The following OPCML variants were observed in gnomAD, a reference collection of about 807,000 sequenced individuals.
The protein encoded by OPCML is opioid binding protein/cell adhesion molecule like.
In OPCML, 13 loss-of-function variants were observed where a neutral mutation model predicts 37.8. That is an observed-to-expected ratio of 0.34 (90% CI 0.22 to 0.55). The LOEUF (loss-of-function observed/expected upper bound fraction) is 0.55. Ranked by LOEUF, OPCML falls within the 20% of genes least tolerant of loss-of-function variation. The pLI is 0.91. For synonymous variants in OPCML, 176 were observed against 168.8 expected, an observed-to-expected ratio of 1.04 and a Z score of -0.33; for missense variants, 341 against 435.6, an observed-to-expected ratio of 0.78 and a Z score of 1.93.
chr11:132,745,839 G>T (rs1945615663), intron 2 of OPCML, among the ~76,000 whole-genome samples: 1 of 152,144 alleles, frequency 6.6e-6, no homozygotes, highest in Admixed American at 6.5e-5. Context: ...GGATAGAGTG[G>T]CACTCAGAGC....
intron 1 of OPCML, among the ~76,000 whole-genome samples, chr11:133,458,010 G>C (rs374547501): frequency 6.6e-6 from 1 of 151,940 alleles, no homozygotes; most frequent in Admixed American, 6.6e-5. Context: ...GCTGGGCATG[G>C]TGACATGCAC....
intron 1 of OPCML, among the ~76,000 whole-genome samples, chr11:133,269,757 G>C (rs551070620): frequency 6.6e-6 from 1 of 152,228 alleles, no homozygotes; most frequent in African/African-American, 2.4e-5. Context: ...TCTCTAACTA[G>C]GGAAGCATTA....
At chr11:133,092,918 C>A (rs868449219) in intron 1 of OPCML, among the ~76,000 whole-genome samples, 3 of 152,228 alleles carry the variant, frequency 2.0e-5, no homozygotes, top group African/African-American at 2.4e-5. Context: ...CCCTGAGACC[C>A]AGCTGCACCC....
chr11:132,468,353 C>A (rs999517483), intron 4 of OPCML, among the ~76,000 whole-genome samples: 12 of 152,174 alleles, frequency 7.9e-5, no homozygotes, highest in Non-Finnish European at 1.6e-4. Flanking sequence ...AGATACCTAT[C>A]AGTGGAAATT....
chr11:133,218,254 G>A (rs922672402), intron 1 of OPCML, among the ~76,000 whole-genome samples: 1 of 152,086 alleles, frequency 6.6e-6, no homozygotes, highest in Non-Finnish European at 1.5e-5. Flanking sequence ...CAATCTAGGA[G>A]CACTTTTAAT....
At chr11:132,544,652 T>C (rs2096364742) in intron 3 of OPCML, among the ~76,000 whole-genome samples, 1 of 152,138 alleles carries the variant, frequency 6.6e-6, no homozygotes, top group Non-Finnish European at 1.5e-5. Flanking sequence ...TAAAAAGCCA[T>C]TGATATTTAT....
At chr11:132,946,659 A>G (rs1184844127) in intron 1 of OPCML, among the ~76,000 whole-genome samples, 1 of 152,200 alleles carries the variant, frequency 6.6e-6, no homozygotes, top group African/African-American at 2.4e-5. Flanking sequence ...CTTTCCAGAA[A>G]GCAGGTATGA....
At chr11:132,990,063 G>C (rs567672951) in intron 1 of OPCML, among the ~76,000 whole-genome samples, 1 of 152,172 alleles carries the variant, frequency 6.6e-6, no homozygotes, top group Non-Finnish European at 1.5e-5. Context: ...GCCACCCTGC[G>C]TAGGAACATA....
Position 133,212,008 on chromosome 11 carries a change from T to C in OPCML, c.62-268998A>G, listed in dbSNP as rs1358193379. Among the ~76,000 whole-genome samples the C allele has an allele frequency of 6.6e-6, 1 of 152,124 alleles. No homozygotes were observed. The highest frequency in any genetic ancestry group is 1.9e-4 in the East Asian group (1 of 5,172). ...GGCAAGCCTAGTGCATACAGCCTGA[T>C]AGCAGATTGACCGTGCCAGCTGTCA... On this transcript the variant is annotated intron_variant, in intron 1 of 7. Coordinates refer to ENST00000524381, the MANE Select transcript of OPCML (RefSeq NM_001012393.5). The surrounding 1 kb of genome is among the most constrained non-coding windows in gnomAD (Gnocchi z 4.9).
intron 1 of OPCML, among the ~76,000 whole-genome samples, chr11:133,317,188 T>C (rs903960880): frequency 5.9e-5 from 9 of 152,110 alleles, no homozygotes; most frequent in African/African-American, 1.9e-4. Context: ...CAGAGCGAGA[T>C]GCTATGTCAA....
chr11:133,251,577 T>TGGG (rs35847000), intron 1 of OPCML, among the ~76,000 whole-genome samples: 2 of 134,604 alleles, frequency 1.5e-5, no homozygotes, highest in African/African-American at 5.4e-5. Flanking sequence ...GTTCTTTTTT[T>TGGG]GGGGGGGGGA....
chr11:133,244,300 GA>G (rs1592136824), intron 1 of OPCML, among the ~76,000 whole-genome samples: 1 of 152,050 alleles, frequency 6.6e-6, no homozygotes, highest in East Asian at 1.9e-4. Flanking sequence ...GACATACCTC[GA>G]AGGGCTGAGG....
chr11:133,278,034 G>C (rs754713671), intron 1 of OPCML, among the ~76,000 whole-genome samples: 3 of 152,136 alleles, frequency 2.0e-5, no homozygotes, highest in Non-Finnish European at 2.9e-5. Flanking sequence ...GTCTGTAAGT[G>C]AGATTCTATC....
intron 3 of OPCML, among the ~76,000 whole-genome samples, chr11:132,602,920 A>G (rs1219387446): frequency 6.6e-6 from 1 of 152,232 alleles, no homozygotes; most frequent in South Asian, 2.1e-4. Flanking sequence ...AGTGAGTTGC[A>G]TCATGGGGGT....
chr11:132,429,073 A>C (rs1341453801), intron 7 of OPCML, among the ~76,000 whole-genome samples: 1 of 151,740 alleles, frequency 6.6e-6, no homozygotes, highest in African/African-American at 2.4e-5. Flanking sequence ...GGATGGATGG[A>C]TGGAGAGTGG....
At chr11:133,167,083 G>GA (rs2137231913) in intron 1 of OPCML, among the ~76,000 whole-genome samples, 1 of 152,286 alleles carries the variant, frequency 6.6e-6, no homozygotes, top group Non-Finnish European at 1.5e-5. Context: ...GTTTACAAGA[G>GA]AATGTCCTGA....
At chr11:133,381,560 C>T (rs552354891) in intron 1 of OPCML, among the ~76,000 whole-genome samples, 15 of 152,132 alleles carry the variant, frequency 9.9e-5, no homozygotes, top group Middle Eastern at 3.4e-3. Context: ...ACTGACATCA[C>T]GGAAAGACAC....
chr11:133,447,338 C>G (rs1433313823), intron 1 of OPCML, among the ~76,000 whole-genome samples: 1 of 152,092 alleles, frequency 6.6e-6, no homozygotes, highest in Admixed American at 6.6e-5. Flanking sequence ...GAAGAGATAC[C>G]TATTTAAATC....
chr11:133,356,824 T>A (rs1397248181), intron 1 of OPCML, among the ~76,000 whole-genome samples: 1 of 152,208 alleles, frequency 6.6e-6, no homozygotes, highest in Non-Finnish European at 1.5e-5. Flanking sequence ...CAAGTTCAGA[T>A]TTTTTAAAAG....
Sources: gnomAD v4.1 joint callset for allele counts (sites outside exome capture counted in the v4.1 genomes callset) on GRCh38, gnomAD v4.1.1 for gene constraint, Gnocchi (gnomAD v3.1) non-coding constraint, MANE v1.5 for transcripts, NCBI Gene and HGNC (gene_info 2026-07-23, HGNC 2026-07-21) for gene names.